OSBPL10: variants seen among roughly 807,000 people sequenced by gnomAD.
OSBPL10 encodes the protein oxysterol-binding protein-related protein 10.
A neutral mutation model predicts 81.7 loss-of-function variants in OSBPL10; 49 were observed. That is an observed-to-expected ratio of 0.60 (90% CI 0.48 to 0.76). The LOEUF is 0.76. OSBPL10 is among the 30% of genes least tolerant of loss of function. The pLI, the probability that OSBPL10 is intolerant of heterozygous loss-of-function variation, is 0.00. For synonymous variants in OSBPL10, 419 were observed against 383.6 expected (o/e 1.09, Z -1.08); for missense variants, 923 against 987.8 (o/e 0.93, Z 0.88).
rs554507451 is a variant in OSBPL10 at position 31,869,977 on chromosome 3, G to A, written c.537+6456C>T. Reference sequence around the variant, plus strand: ...CATGCTGGCAGTCCTCAGAGCCCTCGCCTGCTCTCGGCACCTCCTCTGCCT... The same window carrying A: ...CATGCTGGCAGTCCTCAGAGCCCTCACCTGCTCTCGGCACCTCCTCTGCCT... On this transcript the variant is annotated intron_variant, in intron 3 of 11. Coordinates refer to ENST00000396556, the MANE Select transcript of OSBPL10 (RefSeq NM_017784.5). Among the ~76,000 whole-genome samples, 418 of 152,292 alleles carry A rather than the reference G, an allele frequency of 2.7e-3. 1 individual carries two copies. Among genetic ancestry groups the A allele is most frequent in the Non-Finnish European group, 4.0e-3 (270 of 68,018 alleles).
rs529265847 is a variant in OSBPL10 at position 31,735,377 on chromosome 3, C to A, written c.941-1966G>T. Among the ~76,000 whole-genome samples the A allele has an allele frequency of 5.6e-4, 86 of 152,226 alleles. 1 individual carries two copies. The Middle Eastern group carries it at 0.014, about 24-fold the overall frequency. ...ATTGATTGAGCCCAGGAGGTCGAGG[C>A]TACAGTAAGCGGTGATTGCACCACT... On this transcript the variant is annotated intron_variant, in intron 5 of 11. Coordinates refer to ENST00000396556, the MANE Select transcript of OSBPL10 (RefSeq NM_017784.5).
At chr3:31,834,820 G>A (rs1487881564) in intron 3 of OSBPL10, among the ~76,000 whole-genome samples, 2 of 152,180 alleles carry the variant, frequency 1.3e-5, no homozygotes, top group African/African-American at 4.8e-5. Context: ...AGTGTGGGGA[G>A]TGATTAAGAG....
intron 1 of OSBPL10, among the ~76,000 whole-genome samples, chr3:32,069,035 C>A (rs138531224): frequency 1.3e-5 from 2 of 152,136 alleles, no homozygotes; most frequent in Admixed American, 1.3e-4. Flanking sequence ...AGCTCTCCCC[C>A]ACCTGCCCAA....
chr3:31,951,342 AT>A (rs1241792514), intron 1 of OSBPL10, among the ~76,000 whole-genome samples: 1 of 152,176 alleles, frequency 6.6e-6, no homozygotes, highest in African/African-American at 2.4e-5. Flanking sequence ...ACAAAACTAA[AT>A]AATACAGAGA....
At chr3:31,822,978 C>G (rs766409093) in intron 4 of OSBPL10, among the ~76,000 whole-genome samples, 3 of 144,112 alleles carry the variant, frequency 2.1e-5, no homozygotes, top group Non-Finnish European at 4.6e-5. Context: ...ACATTTCAAT[C>G]ATCATATGCT....
chr3:31,721,478 G>T (rs368392735), intron 6 of OSBPL10: 1 of 152,166 alleles, frequency 6.6e-6, no homozygotes, highest in Non-Finnish European at 1.5e-5. Context: ...ACCTGGGGCC[G>T]CACCAGGTGA....
At chr3:31,962,683 C>T (rs1698203178) in intron 1 of OSBPL10, among the ~76,000 whole-genome samples, 1 of 152,212 alleles carries the variant, frequency 6.6e-6, no homozygotes, top group Non-Finnish European at 1.5e-5. Flanking sequence ...GTAACGCAAG[C>T]TCCCTGAGAC....
intron 3 of OSBPL10, among the ~76,000 whole-genome samples, chr3:31,838,376 T>C (rs1225627641): frequency 6.6e-6 from 1 of 151,942 alleles, no homozygotes; most frequent in Non-Finnish European, 1.5e-5. Context: ...CCGGGCGTGG[T>C]GGCGGCAGCC....
At chr3:31,760,396 T>A (rs1255932027) in intron 4 of OSBPL10, among the ~76,000 whole-genome samples, 9 of 152,220 alleles carry the variant, frequency 5.9e-5, no homozygotes, top group Admixed American at 5.9e-4. Context: ...CGCCTGGATA[T>A]CAAAATCCAT....
chr3:31,796,433 G>A (rs1292657660), intron 4 of OSBPL10, among the ~76,000 whole-genome samples: 1 of 152,106 alleles, frequency 6.6e-6, no homozygotes, highest in Non-Finnish European at 1.5e-5. Context: ...CATAGGTTAT[G>A]TGCCAGTACT....
chr3:31,721,876 T>G (rs1696655838), intron 6 of OSBPL10, among the ~76,000 whole-genome samples: 1 of 152,228 alleles, frequency 6.6e-6, no homozygotes, highest in Non-Finnish European at 1.5e-5. Context: ...TATAACATTT[T>G]CATCAGGACA....
chr3:31,694,681 C>G (rs1695661705), intron 7 of OSBPL10, among the ~76,000 whole-genome samples: 1 of 152,150 alleles, frequency 6.6e-6, no homozygotes. Context: ...TTAGTAACAA[C>G]TTAAATAATT....
At chr3:31,984,014 G>A (rs1698898582), upstream of OSBPL10, among the ~76,000 whole-genome samples, 1 of 150,152 alleles carries the variant, frequency 6.7e-6, no homozygotes, top group African/African-American at 2.4e-5. Context: ...AAAATTCAGA[G>A]CCTAAGGGGT....
chr3:31,785,575 G>A (rs192642589), intron 4 of OSBPL10, among the ~76,000 whole-genome samples: 33 of 152,212 alleles, frequency 2.2e-4, no homozygotes, highest in African/African-American at 7.0e-4. Context: ...GCAGTCAGGA[G>A]ATCCAACTCC....
chr3:31,885,995 C>CA (rs397957994), intron 1 of OSBPL10, among the ~76,000 whole-genome samples: 43,047 of 62,404 alleles, frequency 0.69, 14,120 homozygotes, highest in African/African-American at 0.71. Context: ...AACTCCATCT[C>CA]AAAAAAAAAA....
chr3:32,015,218 A>G (rs968580336), intron 2 of OSBPL10, among the ~76,000 whole-genome samples: 44 of 152,192 alleles, frequency 2.9e-4, no homozygotes, highest in Non-Finnish European at 4.6e-4. Flanking sequence ...ACAGTAACCA[A>G]AACAGCATGG....
chr3:32,037,640 G>A, intron 2 of OSBPL10: 1 of 191,926 alleles, frequency 5.2e-6, no homozygotes, highest in Non-Finnish European at 1.1e-5. Flanking sequence ...ATGTTTTCTT[G>A]AGGAGATATA....
intron 5 of OSBPL10, among the ~76,000 whole-genome samples, chr3:31,743,608 C>A (rs1375977844): frequency 6.6e-6 from 1 of 151,672 alleles, no homozygotes; most frequent in African/African-American, 2.4e-5. Context: ...AAATACTATA[C>A]AAGATGAAAT....
intron 1 of OSBPL10, among the ~76,000 whole-genome samples, chr3:31,940,768 T>C (rs1697512132): frequency 6.6e-6 from 1 of 152,056 alleles, no homozygotes; most frequent in Admixed American, 6.5e-5. Flanking sequence ...TCAGCGTAGA[T>C]GTTACTACTG....
Sources: gnomAD v4.1 joint callset for allele counts (sites outside exome capture counted in the v4.1 genomes callset) on GRCh38, gnomAD v4.1.1 for gene constraint, MANE v1.5 for transcripts, NCBI Gene and HGNC (gene_info 2026-07-23, HGNC 2026-07-21) for gene names.